CDK6: variants seen among roughly 807,000 people sequenced by gnomAD.
The protein encoded by CDK6 is cyclin-dependent kinase 6.
Under a neutral mutation model 37.1 loss-of-function variants are expected in CDK6, and 6 were observed. The ratio of observed to expected loss-of-function variants is 0.16; its 90% confidence interval spans 0.09 to 0.32. The LOEUF (loss-of-function observed/expected upper bound fraction) is 0.32. Among genes scored for constraint, CDK6 ranks in the 10% least tolerant of loss-of-function variants. The pLI is 1.00. For synonymous variants in CDK6, 160 were observed against 161.3 expected, an observed-to-expected ratio of 0.99 and a Z score of 0.06; for missense variants, 224 against 418.9, an observed-to-expected ratio of 0.53 and a Z score of 4.06.
chr7:92,683,475 T>C (rs1352689221), intron 4 of CDK6, among the ~76,000 whole-genome samples: 1 of 152,326 alleles, frequency 6.6e-6, no homozygotes, highest in African/African-American at 2.4e-5. Flanking sequence ...TTCTTCAACA[T>C]TTTAAAATTC....
intron 4 of CDK6, among the ~76,000 whole-genome samples, chr7:92,673,600 T>C (rs537670324): frequency 4.0e-4 from 61 of 152,208 alleles, no homozygotes; most frequent in Admixed American, 6.5e-4. Context: ...AGAACTTCCA[T>C]AGCCTTTATA....
At chr7:92,693,765 T>C (rs1797648061) in intron 4 of CDK6, among the ~76,000 whole-genome samples, 1 of 152,234 alleles carries the variant, frequency 6.6e-6, no homozygotes, top group Non-Finnish European at 1.5e-5. Flanking sequence ...AGCTTTGATG[T>C]AGAGTTCACT....
chr7:92,766,269 C>T (rs1799577715), intron 3 of CDK6, among the ~76,000 whole-genome samples: 1 of 152,134 alleles, frequency 6.6e-6, no homozygotes, highest in African/African-American at 2.4e-5. Context: ...TAAACTAGAA[C>T]TATAGCAATG....
intron 3 of CDK6, among the ~76,000 whole-genome samples, chr7:92,750,272 C>T (rs1799158496): frequency 6.6e-6 from 1 of 152,154 alleles, no homozygotes; most frequent in Non-Finnish European, 1.5e-5. Flanking sequence ...CCACCCTCTT[C>T]GGGACCCACT....
intron 5 of CDK6, among the ~76,000 whole-genome samples, chr7:92,658,664 G>A (rs765112421): frequency 2.0e-4 from 31 of 152,082 alleles, no homozygotes; most frequent in Non-Finnish European, 4.4e-4. Flanking sequence ...GGGAGTTTTG[G>A]AGAAGTACAG....
chr7:92,818,081 G>A (rs951850435), intron 2 of CDK6, among the ~76,000 whole-genome samples: 3 of 151,880 alleles, frequency 2.0e-5, no homozygotes, highest in African/African-American at 7.2e-5. Context: ...ATCCCAATAG[G>A]AGAATTTTTG....
intron 2 of CDK6, among the ~76,000 whole-genome samples, chr7:92,794,808 G>A (rs1244760928): frequency 1.3e-5 from 2 of 152,076 alleles, no homozygotes; most frequent in Non-Finnish European, 2.9e-5. Context: ...TGTATTTTTG[G>A]AAGAAGCCTG....
At chr7:92,825,067 A>G (rs1419842438) in intron 2 of CDK6, among the ~76,000 whole-genome samples, 1 of 152,136 alleles carries the variant, frequency 6.6e-6, no homozygotes, top group Non-Finnish European at 1.5e-5. Flanking sequence ...TTCAACAGTG[A>G]TCAACTCATA....
Position 92,613,571 on chromosome 7 carries a change from G to C in CDK6, c.*1569C>G, listed in dbSNP as rs1795607402. 1 of 233,424 alleles carries C rather than the reference G, an allele frequency of 4.3e-6. No homozygotes were observed. The highest frequency in any genetic ancestry group is 5.6e-5 in the Admixed American group (1 of 17,780). 14.5% of individuals were successfully genotyped at this position (233,424 alleles called of 1,614,324 possible). ...AAGCTGTTTACAATGCCCAGGCCAG[G>C]CTGGCTCTGTAGAGAGCAGGAGTGA... On this transcript the variant is annotated 3_prime_UTR_variant, in exon 8 of 8. Coordinates refer to ENST00000424848, the MANE Select transcript of CDK6 (RefSeq NM_001145306.2).
chr7:92,791,042 T>C (rs901630772), intron 2 of CDK6, among the ~76,000 whole-genome samples: 2 of 152,164 alleles, frequency 1.3e-5, no homozygotes, highest in Admixed American at 6.6e-5. Flanking sequence ...AAGGAGACTG[T>C]TGCTGCAGTA....
chr7:92,722,358 C>A (rs936626571), intron 4 of CDK6, among the ~76,000 whole-genome samples: 2 of 152,166 alleles, frequency 1.3e-5, no homozygotes, highest in African/African-American at 4.8e-5. Flanking sequence ...TCTATCTCTA[C>A]AGCTTTCTGT....
chr7:92,783,018 G>A lies in CDK6; in HGVS notation c.234-8187C>T, dbSNP rs1277818741. Among the ~76,000 whole-genome samples, 7 of 152,136 alleles carry A rather than the reference G, an allele frequency of 4.6e-5. No homozygotes were observed. In the South Asian group the frequency reaches 1.5e-3, roughly 32 times the overall value. ...GGCTCCTCCATTCGCATGTCCACTG[G>A]GCAAAAGTAGCCGACAGCAGAGAAC... On this transcript the variant is annotated intron_variant, in intron 2 of 7. Transcript: ENST00000424848.
intron 2 of CDK6, among the ~76,000 whole-genome samples, chr7:92,779,814 A>G (rs1000139668): frequency 6.6e-6 from 1 of 152,232 alleles, no homozygotes; most frequent in African/African-American, 2.4e-5. Flanking sequence ...CACAATGGGT[A>G]GGAAATGCAT....
At chr7:92,831,156 G>T (rs1486947947) in intron 2 of CDK6, among the ~76,000 whole-genome samples, 1 of 152,158 alleles carries the variant, frequency 6.6e-6, no homozygotes, top group African/African-American at 2.4e-5. Context: ...GAAATTCACA[G>T]TACAGAATCC....
intron 2 of CDK6, among the ~76,000 whole-genome samples, chr7:92,784,569 C>T (rs986152723): frequency 2.0e-5 from 3 of 152,030 alleles, no homozygotes; most frequent in Admixed American, 6.5e-5. Context: ...ATATGATGGA[C>T]AAAATAAGGG....
Position 92,668,113 on chromosome 7 carries a change from C to T in CDK6, c.647+3313G>A, listed in dbSNP as rs186040713. Among the ~76,000 whole-genome samples, 16 of 152,182 alleles carry T rather than the reference C, an allele frequency of 1.1e-4. No homozygotes were observed. In the East Asian group the frequency reaches 2.9e-3, roughly 28 times the overall value. ...GGTAAATCATTTTTTATTTTTTATA[C>T]CATATTTCTACTGTATCTTTTCTAT... On this transcript the variant is annotated intron_variant, in intron 5 of 7. Coordinates refer to ENST00000424848, the MANE Select transcript of CDK6 (RefSeq NM_001145306.2).
intron 4 of CDK6, among the ~76,000 whole-genome samples, chr7:92,694,685 GTTC>G (rs1797669374): frequency 6.6e-6 from 1 of 152,188 alleles, no homozygotes; most frequent in African/African-American, 2.4e-5. Flanking sequence ...TCTGTCTCGT[GTTC>G]TTTTCAGAAT....
At chr7:92,810,396 T>C (rs1296690362) in intron 2 of CDK6, among the ~76,000 whole-genome samples, 1 of 152,218 alleles carries the variant, frequency 6.6e-6, no homozygotes, top group Non-Finnish European at 1.5e-5. Context: ...AAAAGGCTTG[T>C]GGTCTAGTCC....
intron 4 of CDK6, among the ~76,000 whole-genome samples, chr7:92,692,218 A>T (rs898935609): frequency 6.6e-6 from 1 of 152,036 alleles, no homozygotes; most frequent in Non-Finnish European, 1.5e-5. Flanking sequence ...GTGAGTCGAG[A>T]TCACACCATT....
Sources: gnomAD v4.1 joint callset for allele counts (sites outside exome capture counted in the v4.1 genomes callset) on GRCh38, gnomAD v4.1.1 for gene constraint, MANE v1.5 for transcripts, NCBI Gene and HGNC (gene_info 2026-07-23, HGNC 2026-07-21) for gene names.